The following USP30 variants were observed in gnomAD, a reference collection of about 807,000 sequenced individuals.
The protein encoded by USP30 is ubiquitin carboxyl-terminal hydrolase 30.
USP30 carries 41 observed loss-of-function variants against 68.2 expected under a neutral mutation model. The observed-to-expected ratio is 0.60, with a 90% CI of 0.47 to 0.78. The LOEUF (loss-of-function observed/expected upper bound fraction) is 0.78. USP30 is among the 30% of genes least tolerant of loss of function. The probability of loss-of-function intolerance (pLI) is 0.00; values close to 1 mark genes in which losing one functional copy is unlikely to be tolerated. For synonymous variants in USP30, 229 were observed against 253.7 expected (o/e 0.90, Z 0.93); for missense variants, 522 against 649.4 (o/e 0.80, Z 2.13).
chr12:109,071,119 G>A (rs971616401), intron 4 of USP30, among the ~76,000 whole-genome samples: 1 of 152,162 alleles, frequency 6.6e-6, no homozygotes, highest in Non-Finnish European at 1.5e-5. Flanking sequence ...CCAGGGGTTG[G>A]GGAAGGGGAA....
At chr12:109,042,647 C>T (rs770618385) in intron 3 of USP30, among the ~76,000 whole-genome samples, 2 of 152,134 alleles carry the variant, frequency 1.3e-5, no homozygotes, top group Non-Finnish European at 2.9e-5. Context: ...GAACATTATA[C>T]TCAATGGTGA....
In USP30 at chr12:109,082,688, G is replaced by T. The variant is rs372325099; in HGVS notation, c.893G>T (p.Gly298Val). 34 of 1,614,098 alleles carry T rather than the reference G, an allele frequency of 2.1e-5. No homozygotes were observed. The highest frequency in any genetic ancestry group is 2.9e-5 in the Non-Finnish European group (34 of 1,180,040). Residue 298 changes from glycine to valine, a missense_variant, in exon 10 of 13, where the codon GGG (glycine) becomes GTG (valine). Gly to Val is a moderately radical substitution (Grantham distance 109, BLOSUM62 -3). Coordinates refer to ENST00000257548, the MANE Select transcript of USP30 (RefSeq NM_032663.5). ...TKIEAKGTLN[G>V]EKVEHQRTTF... ...ATTGAAGCCAAGGGAACGTTGAACGGGGAAAAGGTGGAACACCAGAGGACC... is the reference window on the plus strand; with the variant it reads ...ATTGAAGCCAAGGGAACGTTGAACGTGGAAAAGGTGGAACACCAGAGGACC...
intron 7 of USP30, among the ~76,000 whole-genome samples, chr12:109,074,968 T>G (rs573659050): frequency 5.3e-5 from 8 of 152,238 alleles, no homozygotes; most frequent in Non-Finnish European, 1.2e-4. Context: ...TCAGGTGGTG[T>G]TTATCTTTCT....
Position 109,086,196 on chromosome 12 carries a change from G to C in USP30, c.*265G>C, listed in dbSNP as rs1593305584. 5.2e-6 allele frequency: 2 copies of C among 382,886 alleles called. No homozygotes were observed. Among genetic ancestry groups the C allele is most frequent in the East Asian group, 4.3e-5 (1 of 23,386 alleles). The allele number at this position is 382,886 out of a possible 1,614,324, so 23.7% of individuals were successfully genotyped here. On this transcript the variant is annotated 3_prime_UTR_variant, in exon 13 of 13. Coordinates refer to ENST00000257548, the MANE Select transcript of USP30 (RefSeq NM_032663.5). ...AGTGTCTTTTTACTCATCTGATACA[G>C]GTAATTAAAAGAACTCAGATTCTTG...
In USP30 at chr12:109,086,963, G is replaced by A. The variant is rs1006151283; in HGVS notation, c.*1032G>A. The A allele has an allele frequency of 2.0e-5, 3 of 152,006 alleles. No homozygotes were observed. In the South Asian group the frequency reaches 6.2e-4, roughly 32 times the overall value. The allele number at this position is 152,006 out of a possible 1,614,324, so 9.4% of individuals were successfully genotyped here. On this transcript the variant is annotated 3_prime_UTR_variant, in exon 13 of 13. Coordinates refer to ENST00000257548, the MANE Select transcript of USP30 (RefSeq NM_032663.5). ...AGGGTTAGATTTGATGACCACCAAAGTTCAGCCCTTTTCACGAAAAGGAGA... is the reference window on the plus strand; with the variant it reads ...AGGGTTAGATTTGATGACCACCAAAATTCAGCCCTTTTCACGAAAAGGAGA...
chr12:109,038,210 C>A (rs563784202), intron 3 of USP30, among the ~76,000 whole-genome samples: 4 of 134,404 alleles, frequency 3.0e-5, no homozygotes, highest in African/African-American at 8.2e-5. Context: ...TTCCCGCCCC[C>A]CTCCCCACCT....
At chr12:109,076,410 C>CTTTTTTTTTTTT (rs60618572) in intron 7 of USP30, among the ~76,000 whole-genome samples, 2 of 135,658 alleles carry the variant, frequency 1.5e-5, no homozygotes, top group Non-Finnish European at 3.2e-5. Flanking sequence ...ATCTTTATTC[C>CTTTTTTTTTTTT]TTTTTTTTTT....
Position 109,055,464 on chromosome 12 carries a change from G to A in USP30, c.84-1218G>A, listed in dbSNP as rs181717863. Among the ~76,000 whole-genome samples the A allele has an allele frequency of 2.3e-3, 300 of 128,680 alleles. 1 individual carries two copies. The highest frequency in any genetic ancestry group is 7.9e-3 in the African/African-American group (279 of 35,260). The allele number at this position is 128,680 out of a possible 152,430, so 84.4% of individuals were successfully genotyped here. On this transcript the variant is annotated intron_variant, in intron 1 of 12. Transcript: ENST00000257548. The stretch of plus-strand genomic sequence containing the variant: ...GTCACCCAGGCTGGAGTGCAGTGGC[G>A]CAATCTGGGCTCACTGTAACCTCCG...
chr12:109,050,335 T>C (rs2040648380), upstream of USP30, among the ~76,000 whole-genome samples: 1 of 152,112 alleles, frequency 6.6e-6, no homozygotes, highest in Non-Finnish European at 1.5e-5. Context: ...TATACCTATA[T>C]ACCTCAATTT....
In USP30 at chr12:109,081,988, T is replaced by G; in HGVS notation, c.836T>G (p.Val279Gly). 6.2e-7 allele frequency: 1 copy of G among 1,614,230 alleles called. No homozygotes were observed. The highest frequency in any genetic ancestry group is 8.5e-7 in the Non-Finnish European group (1 of 1,180,038). The change falls in exon 9 of 13, where the codon GTG becomes GGG. Residue 279 changes from valine to glycine, a missense_variant. Transcript: ENST00000257548. ...CLHHFISSES[V>G]RDVVCDNCTK... Reference sequence around the variant, plus strand: ...CACCACTTCATCTCATCAGAATCAGTGCGGGATGTTGTGTGTGACAACTGT... The same window carrying G: ...CACCACTTCATCTCATCAGAATCAGGGCGGGATGTTGTGTGTGACAACTGT...
At position 109,085,932 on chromosome 12, in the gene USP30, CTG is replaced by C. The variant is rs1167660040; in HGVS notation, c.*4_*5del. The C allele has an allele frequency of 5.6e-6, 9 of 1,611,862 alleles. No homozygotes were observed. Among genetic ancestry groups the C allele is most frequent in the Non-Finnish European group, 7.6e-6 (9 of 1,178,698 alleles). ...CCAGGAGTGCAAGTCTGAAGAATGA[CTG>C]TGCCCTCCTGCAAGGCTAGAGCTGA... is the stretch of plus-strand genomic sequence containing the variant. On this transcript the variant is annotated 3_prime_UTR_variant, in exon 13 of 13. Coordinates refer to ENST00000257548, the MANE Select transcript of USP30 (RefSeq NM_032663.5).
In USP30 at chr12:109,070,809, C is replaced by T. The variant is rs1256462033; in HGVS notation, c.481-803C>T. ...GGGTACAAACCAAAAGAATTCAAAG[C>T]AGGGACTCAGTAGGGTATTTGTATA... On this transcript the variant is annotated intron_variant, in intron 4 of 12. Transcript: ENST00000257548. The surrounding 1 kb of genome is among the most constrained non-coding windows in gnomAD (Gnocchi z 4.0). 2.4e-4 allele frequency among the ~76,000 whole-genome samples: 37 copies of T among 152,148 alleles called. No homozygotes were observed. Among genetic ancestry groups the T allele is most frequent in the Non-Finnish European group, 2.2e-4 (15 of 68,030 alleles).
chr12:109,025,714 C>T (rs540215316), intron 2 of USP30, among the ~76,000 whole-genome samples: 1 of 152,174 alleles, frequency 6.6e-6, no homozygotes, highest in East Asian at 1.9e-4. Flanking sequence ...CTCTGTCACC[C>T]AGGCTGGAGT....
chr12:109,044,645 A>G (rs2040588376), intron 3 of USP30, among the ~76,000 whole-genome samples: 1 of 152,142 alleles, frequency 6.6e-6, no homozygotes, highest in African/African-American at 2.4e-5. Flanking sequence ...TCTAAAAATA[A>G]AAATAAAAAA....
Position 109,071,575 on chromosome 12 carries a change from T to C in USP30, c.481-37T>C, listed in dbSNP as rs148720468. 7.7e-5 allele frequency: 122 copies of C among 1,594,616 alleles called. No homozygotes were observed. In the African/African-American group the frequency reaches 1.4e-3, roughly 18 times the overall value. Reference sequence around the variant, plus strand: ...GTAGTTCTGATCTTGCTCTTGCCTCTTCCAACCTCTCTAAAGAATGCTTTG... The same window carrying C: ...GTAGTTCTGATCTTGCTCTTGCCTCCTCCAACCTCTCTAAAGAATGCTTTG... On this transcript the variant is annotated intron_variant, in intron 4 of 12. Coordinates refer to ENST00000257548, the MANE Select transcript of USP30 (RefSeq NM_032663.5).
In USP30 at chr12:109,077,124, A is replaced by G. The variant is rs2041636367; in HGVS notation, c.720+3592A>G. On this transcript the variant is annotated intron_variant, in intron 7 of 12. Transcript: ENST00000257548. ...TTGTTTTTATATATTATTGAATTTG[A>G]TTTGCTAATATTTCCTAAAGGATAT... is the stretch of plus-strand genomic sequence containing the variant. 2.0e-5 allele frequency among the ~76,000 whole-genome samples: 3 copies of G among 152,160 alleles called. No homozygotes were observed. The South Asian group carries it at 6.2e-4, about 32-fold the overall frequency.
chr12:109,044,877 A>T (rs1031918942), intron 3 of USP30, among the ~76,000 whole-genome samples: 3 of 151,968 alleles, frequency 2.0e-5, no homozygotes, highest in Non-Finnish European at 4.4e-5. Flanking sequence ...ATATACCATC[A>T]TCATTATGTT....
At position 109,081,960 on chromosome 12, in the gene USP30, C is replaced by G; in HGVS notation, c.808C>G (p.Leu270Val). ...WGHPLTLDHC[L>V]HHFISSESVR... Reference sequence around the variant, plus strand: ...TCACCCATTGACCCTGGACCACTGCCTTCACCACTTCATCTCATCAGAATC... The same window carrying G: ...TCACCCATTGACCCTGGACCACTGCGTTCACCACTTCATCTCATCAGAATC... Residue 270 changes from leucine (L) to valine (V), a missense_variant, in exon 9 of 13, where the codon CTT becomes GTT. By Grantham distance (32) the Leu-to-Val change is conservative. Coordinates refer to ENST00000257548, the MANE Select transcript of USP30 (RefSeq NM_032663.5). 1 of 1,614,252 alleles carries G rather than the reference C, an allele frequency of 6.2e-7. No homozygotes were observed. The highest frequency in any genetic ancestry group is 8.5e-7 in the Non-Finnish European group (1 of 1,180,048).
At chr12:109,072,634 C>T (rs1396794253) in intron 6 of USP30, among the ~76,000 whole-genome samples, 1 of 152,176 alleles carries the variant, frequency 6.6e-6, no homozygotes, top group African/African-American at 2.4e-5. Context: ...ACATAATGAG[C>T]TGAATCTGTC....
Sources: gnomAD v4.1 joint callset for allele counts (sites outside exome capture counted in the v4.1 genomes callset) on GRCh38, gnomAD v4.1.1 for gene constraint, Gnocchi (gnomAD v3.1) non-coding constraint, MANE v1.5 for transcripts, NCBI Gene and HGNC (gene_info 2026-07-23, HGNC 2026-07-21) for gene names.